RETREG1: variants seen among roughly 807,000 people sequenced by gnomAD.
The protein encoded by RETREG1 is family with sequence similarity 134 member B.
Under a neutral mutation model 54.8 loss-of-function variants are expected in RETREG1, and 44 were observed. The observed-to-expected ratio is 0.80, with a 90% CI of 0.63 to 1.03. The LOEUF (loss-of-function observed/expected upper bound fraction) is 1.03. Ranked by LOEUF, RETREG1 falls within the 50% of genes least tolerant of loss-of-function variation. RETREG1 has a pLI of 0.00. For missense variants in RETREG1, 554 were observed against 605.1 expected, an observed-to-expected ratio of 0.92 and a Z score of 0.89; for synonymous variants, 217 against 238.5, an observed-to-expected ratio of 0.91 and a Z score of 0.83.
chr5:16,551,509 C>G (rs1741541396), intron 3 of RETREG1, among the ~76,000 whole-genome samples: 1 of 152,104 alleles, frequency 6.6e-6, no homozygotes, highest in Non-Finnish European at 1.5e-5. Flanking sequence ...TTTCTACTTG[C>G]CCAGTAAGGA....
At chr5:16,522,592 T>C (rs749760933) in intron 3 of RETREG1, among the ~76,000 whole-genome samples, 1 of 152,218 alleles carries the variant, frequency 6.6e-6, no homozygotes, top group Non-Finnish European at 1.5e-5. Flanking sequence ...AAGACTTTCA[T>C]GGTGTTAATC....
intron 3 of RETREG1, among the ~76,000 whole-genome samples, chr5:16,551,470 G>A (rs1741540269): frequency 6.6e-6 from 1 of 152,140 alleles, no homozygotes; most frequent in Admixed American, 6.5e-5. Flanking sequence ...CCTTGGCCAT[G>A]TTGGTTCATT....
At chr5:16,533,181 A>G (rs566808677) in intron 3 of RETREG1, among the ~76,000 whole-genome samples, 10 of 152,222 alleles carry the variant, frequency 6.6e-5, no homozygotes, top group African/African-American at 2.2e-4. Flanking sequence ...AGTAGCTGGA[A>G]CTACAGGCAC....
In RETREG1 at chr5:16,554,537, T is replaced by C. The variant is rs1019454008; in HGVS notation, c.458+11226A>G. Among the ~76,000 whole-genome samples the C allele has an allele frequency of 2.6e-5, 4 of 152,150 alleles. 1 individual carries two copies. Among genetic ancestry groups the C allele is most frequent in the Admixed American group, 1.3e-4 (2 of 15,284 alleles). ...CCTCTTGATAAAAGAATGTTCATTA[T>C]AGGAAAAATAATGTAATAAGGGTGA... On this transcript the variant is annotated intron_variant, in intron 3 of 8. Coordinates refer to ENST00000306320, the MANE Select transcript of RETREG1 (RefSeq NM_001034850.3).
Position 16,478,965 on chromosome 5 carries a change from T to C in RETREG1, c.693A>G (p.Pro231=), listed in dbSNP as rs531943235. Residue 231 remains proline, a synonymous_variant, in exon 6 of 9, where the codon CCA becomes CCG. Coordinates refer to ENST00000306320, the MANE Select transcript of RETREG1 (RefSeq NM_001034850.3). ...YLLLLCAFLC[P]LFKCNDIGQK... is the part of the protein sequence containing the mutation. Reference sequence around the variant, plus strand: ...GTCCAATATCATTACATTTAAACAATGGACACAAAAATGCACACAGTACTG... The same window carrying C: ...GTCCAATATCATTACATTTAAACAACGGACACAAAAATGCACACAGTACTG... 6 of 1,612,008 alleles carry C rather than the reference T, an allele frequency of 3.7e-6. No homozygotes were observed. Among genetic ancestry groups the C allele is most frequent in the Admixed American group, 3.3e-5 (2 of 59,836 alleles).
At chr5:16,514,460 T>C (rs1418958412) in intron 3 of RETREG1, among the ~76,000 whole-genome samples, 2 of 152,350 alleles carry the variant, frequency 1.3e-5, no homozygotes, top group Non-Finnish European at 2.9e-5. Context: ...CACTTGTATC[T>C]TCAGTATATT....
At chr5:16,580,147 A>G (rs116153723) in intron 1 of RETREG1, among the ~76,000 whole-genome samples, 373 of 152,296 alleles carry the variant, frequency 2.4e-3, no homozygotes, top group Non-Finnish European at 4.4e-3. Context: ...GGTGACATCA[A>G]TCACATCTGT....
chr5:16,487,014 T>C (rs966767838), intron 3 of RETREG1, among the ~76,000 whole-genome samples: 1 of 152,174 alleles, frequency 6.6e-6, no homozygotes, highest in Admixed American at 6.6e-5. Flanking sequence ...AGATCTCCTG[T>C]GAATGCTGGG....
intron 3 of RETREG1, among the ~76,000 whole-genome samples, chr5:16,513,502 T>C (rs146792755): frequency 6.7e-4 from 102 of 152,328 alleles, no homozygotes; most frequent in African/African-American, 2.3e-3. Context: ...TATGTGCCTT[T>C]ATTTAAATGG....
In RETREG1 at chr5:16,555,831, T is replaced by C. The variant is rs146983935; in HGVS notation, c.458+9932A>G. 5.9e-3 allele frequency among the ~76,000 whole-genome samples: 895 copies of C among 152,340 alleles called. 6 individuals are homozygous for C. Among genetic ancestry groups the C allele is most frequent in the African/African-American group, 0.021 (853 of 41,586 alleles). On this transcript the variant is annotated intron_variant, in intron 3 of 8. Coordinates refer to ENST00000306320, the MANE Select transcript of RETREG1 (RefSeq NM_001034850.3). ...TAGATTTCTAACCACCTGCAAAATC[T>C]TAATTTGTATTCATATAACTGCAAC... is the stretch of plus-strand genomic sequence containing the variant.
At chr5:16,504,374 C>CAA (rs1274515168) in intron 3 of RETREG1, among the ~76,000 whole-genome samples, 7 of 152,202 alleles carry the variant, frequency 4.6e-5, no homozygotes, top group Non-Finnish European at 8.8e-5. Flanking sequence ...TTAGTGACCT[C>CAA]AAGTGGTGAT....
intron 3 of RETREG1, among the ~76,000 whole-genome samples, chr5:16,552,983 C>T (rs1561117464): frequency 6.6e-6 from 1 of 152,194 alleles, no homozygotes; most frequent in Non-Finnish European, 1.5e-5. Context: ...ACAAAAAAAC[C>T]TCCCAAGAAC....
At chr5:16,553,964 T>C (rs973396636) in intron 3 of RETREG1, among the ~76,000 whole-genome samples, 4 of 152,170 alleles carry the variant, frequency 2.6e-5, no homozygotes, top group African/African-American at 9.7e-5. Flanking sequence ...GTTCGGACCA[T>C]GAGGATAAGA....
chr5:16,588,101 T>A (rs1439476499), intron 1 of RETREG1, among the ~76,000 whole-genome samples: 1 of 152,150 alleles, frequency 6.6e-6, no homozygotes, highest in African/African-American at 2.4e-5. Flanking sequence ...CTTTTACATC[T>A]CTTGGGCCAA....
chr5:16,547,326 G>C (rs1298443395), intron 3 of RETREG1, among the ~76,000 whole-genome samples: 1 of 152,162 alleles, frequency 6.6e-6, no homozygotes, highest in Admixed American at 6.5e-5. Flanking sequence ...TCAGGCCCAA[G>C]ATAAGAGCTA....
chr5:16,480,895 T>C, intron 5 of RETREG1, 114 bp downstream of exon 5: 1 of 729,500 alleles, frequency 1.4e-6, no homozygotes, highest in South Asian at 1.5e-5. Flanking sequence ...TAAAGAATAA[T>C]CAACTTGTAT....
At chr5:16,586,075 A>G (rs1742618713) in intron 1 of RETREG1, among the ~76,000 whole-genome samples, 2 of 152,194 alleles carry the variant, frequency 1.3e-5, no homozygotes, top group Non-Finnish European at 2.9e-5. Flanking sequence ...GAGCTATAAG[A>G]AAAATGAATA....
rs1561141732 is a variant in RETREG1, at chr5:16,616,816, GC to G, written c.155del (p.Gly52AlafsTer17). ...CGGCCTCCTCCACCTGCAACCCCGC[GC>G]CCTCCGCCGCCCCAGCTTCCTGCGC... ...EEAQEAGAAE[G>X]AGLQVEEAAG... On this transcript the variant is annotated frameshift_variant, in exon 1 of 9. Coordinates refer to ENST00000306320, the MANE Select transcript of RETREG1 (RefSeq NM_001034850.3). LOFTEE classifies it high-confidence loss of function. 1 of 1,517,490 alleles carries G rather than the reference GC, an allele frequency of 6.6e-7. No homozygotes were observed. The highest frequency in any genetic ancestry group is 8.8e-7 in the Non-Finnish European group (1 of 1,140,056). The allele number at this position is 1,517,490 out of a possible 1,614,324, so 94.0% of individuals were successfully genotyped here. A position where few individuals can be genotyped will look rare whatever the true frequency, so the allele number is the denominator to read the frequency against.
chr5:16,574,315 A>G (rs1742269331), intron 1 of RETREG1, among the ~76,000 whole-genome samples: 2 of 152,194 alleles, frequency 1.3e-5, no homozygotes, highest in South Asian at 4.1e-4. Context: ...AGTAAGTCTT[A>G]TGCTACAAAC....
Sources: gnomAD v4.1 joint callset for allele counts (sites outside exome capture counted in the v4.1 genomes callset) on GRCh38, gnomAD v4.1.1 for gene constraint, MANE v1.5 for transcripts, NCBI Gene and HGNC (gene_info 2026-07-23, HGNC 2026-07-21) for gene names.